The following ZAN variants were observed in gnomAD, a reference collection of about 807,000 sequenced individuals.
ZAN encodes zonadhesin.
ZAN carries 260 observed loss-of-function variants against 286.2 expected under a neutral mutation model. The observed-to-expected ratio is 0.91, with a 90% confidence interval of 0.82 to 1.01. The LOEUF (loss-of-function observed/expected upper bound fraction) is 1.01, where lower values mean the gene tolerates loss of function less well. ZAN is among the 50% of genes least tolerant of loss of function. The pLI is 0.00. For missense variants in ZAN, 3,410 were observed against 3,639.2 expected (o/e 0.94, Z 1.62); for synonymous variants, 1,368 against 1,417.5 (o/e 0.97, Z 0.79).
chr7:100,774,831 TAAA>T (rs10719145), intron 31 of ZAN, among the ~76,000 whole-genome samples: 1 of 144,842 alleles, frequency 6.9e-6, no homozygotes. Flanking sequence ...ATGTCTCAAA[TAAA>T]AAAAAAAAAA....
rs1012586728 is a variant in ZAN, at chr7:100,794,189, T to C, written c.8056T>C (p.Cys2686Arg). 6.2e-7 allele frequency: 1 copy of C among 1,614,020 alleles called. No individual in the cohort carries two copies. The highest frequency in any genetic ancestry group is 1.7e-5 in the Admixed American group (1 of 60,020). The change falls in exon 44 of 48, where the codon TGT (cysteine) becomes CGT (arginine). Residue 2686 changes from cysteine to arginine, a missense_variant. This residue lies in a region of ZAN where 1,289 missense variants were observed against 1,314.3 expected (regional missense o/e 0.98). Coordinates refer to ENST00000613979, the MANE Select transcript of ZAN (RefSeq NM_003386.3). ...CTCASSRILL[C>R]EPFSCRAGEV... Reference sequence around the variant, plus strand: ...CTGTGCCAGCTCACGGATCCTGCTGTGTGAGCCCTTCAGCTGCAGAGCGGG... The same window carrying C: ...CTGTGCCAGCTCACGGATCCTGCTGCGTGAGCCCTTCAGCTGCAGAGCGGG...
intron 35 of ZAN, among the ~76,000 whole-genome samples, chr7:100,780,850 G>A (rs897972245): frequency 6.6e-6 from 1 of 151,734 alleles, no homozygotes; most frequent in Non-Finnish European, 1.5e-5. Flanking sequence ...AGCACTTTGG[G>A]AGTCCAAGAA....
chr7:100,748,343 C>T lies in ZAN; in HGVS notation c.1122C>T (p.Asp374=). The T allele has an allele frequency of 6.2e-7, 1 of 1,613,970 alleles. No homozygotes were observed. The highest frequency in any genetic ancestry group is 8.5e-7 in the Non-Finnish European group (1 of 1,179,902). The part of the protein sequence containing the change: ...APCGEGFPQC[D]FEDNAHPFCD... ...CCCCAGAGGGTTTTCCTCAGTGTGA[C>T]TTTGAAGACAACGCCCATCCCTTCT... The change falls in exon 11 of 48, where the codon GAC becomes GAT. Residue 374 remains aspartate, a synonymous_variant. Coordinates refer to ENST00000613979, the MANE Select transcript of ZAN (RefSeq NM_003386.3).
At chr7:100,758,143 A>T (rs1809282017) in intron 15 of ZAN, 59 bp from the exon 16 acceptor site, 1 of 1,353,324 alleles carries the variant, frequency 7.4e-7, no homozygotes, top group African/African-American at 1.5e-5. Context: ...AAAGAAAGGC[A>T]AAGGGAGAAG....
intron 35 of ZAN, among the ~76,000 whole-genome samples, chr7:100,780,878 C>T (rs1811153674): frequency 6.6e-6 from 1 of 151,722 alleles, no homozygotes; most frequent in African/African-American, 2.4e-5. Flanking sequence ...TTGCTTGAGG[C>T]CAGGAGTTTG....
intron 19 of ZAN, 148 bp from the exon 20 acceptor site, chr7:100,762,067 C>T: frequency 1.1e-6 from 1 of 924,276 alleles, no homozygotes; most frequent in South Asian, 1.6e-5. Flanking sequence ...GGGGGAGGGC[C>T]ATGGGGTCCT....
intron 11 of ZAN, among the ~76,000 whole-genome samples, chr7:100,749,475 C>A (rs1168125114): frequency 6.7e-6 from 1 of 148,216 alleles, no homozygotes; most frequent in Non-Finnish European, 1.5e-5. Flanking sequence ...CCCGTCCCTA[C>A]TAAAAACACA....
rs1338979365 is a variant in ZAN, at chr7:100,779,761, C to T, written c.6622+11C>T. On this transcript the variant is annotated intron_variant, in intron 35 of 47. Coordinates refer to ENST00000613979, the MANE Select transcript of ZAN (RefSeq NM_003386.3). ...ACAGCAGCTTCTGCCGTGAGTGTGC[C>T]CTGCTGTCACCCCAAACCCCTCCCA... 2.6e-6 allele frequency: 4 copies of T among 1,544,228 alleles called. No individual in the cohort carries two copies. Among genetic ancestry groups the T allele is most frequent in the African/African-American group, 1.4e-5 (1 of 73,060 alleles).
chr7:100,780,227 T>C, intron 35 of ZAN, among the ~76,000 whole-genome samples: 1 of 151,814 alleles, frequency 6.6e-6, no homozygotes. Context: ...AGTATCTTGA[T>C]AAAGTTGTGC....
chr7:100,796,125 G>A (rs1584643242), intron 45 of ZAN, among the ~76,000 whole-genome samples: 1 of 151,788 alleles, frequency 6.6e-6, no homozygotes, highest in Non-Finnish European at 1.5e-5. Flanking sequence ...ACTAGTTCCT[G>A]TGCCCATCTC....
intron 39 of ZAN, among the ~76,000 whole-genome samples, chr7:100,789,590 G>A (rs918392067): frequency 3.3e-5 from 5 of 152,110 alleles, no homozygotes; most frequent in African/African-American, 7.2e-5. Context: ...TGGGAGGATC[G>A]CTTGAGGTCA....
At chr7:100,788,666 C>G (rs971824334) in intron 38 of ZAN, among the ~76,000 whole-genome samples, 3 of 152,082 alleles carry the variant, frequency 2.0e-5, no homozygotes, top group Admixed American at 6.6e-5. Context: ...AAGGTCAATC[C>G]TGGGCTGAAG....
chr7:100,750,514 A>G lies in ZAN; in HGVS notation c.1250-111A>G, dbSNP rs143700425. The G allele has an allele frequency of 1.8e-3, 2,285 of 1,286,852 alleles. 39 individuals carry two copies. In the African/African-American group the frequency reaches 0.031, roughly 18 times the overall value. 79.7% of individuals were successfully genotyped at this position (1,286,852 alleles called of 1,614,324 possible). On this transcript the variant is annotated intron_variant, in intron 11 of 47. Transcript: ENST00000613979. ...AGAAAAAATAATGCTACGACCTGGG[A>G]AATTTGAGTGTTTGCTCAGATTCCC...
At chr7:100,768,776 C>A in intron 27 of ZAN, 55 bp downstream of exon 27, 1 of 1,457,862 alleles carries the variant, frequency 6.9e-7, no homozygotes. Flanking sequence ...GGAAGGGCCT[C>A]GGGGGGCAGC....
At chr7:100,766,828 G>A (rs553018553) in intron 24 of ZAN, among the ~76,000 whole-genome samples, 162 bp downstream of exon 24, 1 of 152,174 alleles carries the variant, frequency 6.6e-6, no homozygotes, top group Non-Finnish European at 1.5e-5. Context: ...GTGAGGTTGG[G>A]GACGTCAGTG....
In ZAN at chr7:100,766,642, G is replaced by T; in HGVS notation, c.4588G>T (p.Gly1530Cys). Residue 1530 changes from glycine to cysteine, a missense_variant, in exon 24 of 48, where the codon GGT becomes TGT. Physicochemically the swap from Gly to Cys is radical, Grantham distance 159. This residue lies in a region of ZAN where 1,042 missense variants were observed against 1,058.0 expected (regional missense o/e 0.98). Transcript: ENST00000613979. ...RAQEFCGQQD[G>C]IYGCHAQGAA... ...CCAGGAGTTCTGTGGCCAACAGGAT[G>T]GTATCTATGGCTGCCATGCCCAAGG... 6.4e-7 allele frequency: 1 copy of T among 1,566,832 alleles called. No homozygotes were observed. The highest frequency in any genetic ancestry group is 2.4e-5 in the East Asian group (1 of 42,114).
chr7:100,777,850 C>T (rs1043478815), intron 34 of ZAN, among the ~76,000 whole-genome samples: 1 of 152,012 alleles, frequency 6.6e-6, no homozygotes, highest in Non-Finnish European at 1.5e-5. Context: ...CCTCGGCCCC[C>T]CAAAGTGCTG....
rs113748373 is a variant in ZAN at position 100,777,447 on chromosome 7, G to C, written c.6317+883G>C. Among the ~76,000 whole-genome samples the C allele has an allele frequency of 8.9e-3, 1,355 of 151,854 alleles. 17 individuals are homozygous for C. Among genetic ancestry groups the C allele is most frequent in the Non-Finnish European group, 0.012 (841 of 67,908 alleles). ...TTGGCTCACTGCAACCTCTGCTTCC[G>C]GGGTTCAAGCAATTCTCGTGCCTCA... On this transcript the variant is annotated intron_variant, in intron 34 of 47. Transcript: ENST00000613979.
intron 13 of ZAN, 46 bp from the exon 14 acceptor site, chr7:100,751,666 G>C: frequency 6.5e-7 from 1 of 1,530,222 alleles, no homozygotes; most frequent in East Asian, 2.3e-5. Flanking sequence ...AGAGGGTGGT[G>C]GTATGGTTTT....
Sources: allele counts gnomAD v4.1 joint callset (sites outside exome capture counted in the v4.1 genomes callset), GRCh38; gene constraint gnomAD v4.1.1; regional missense constraint gnomAD v4.1.1; transcripts MANE v1.5; gene names NCBI Gene and HGNC (gene_info 2026-07-23, HGNC 2026-07-21).